The following CADPS2 variants were observed in gnomAD, a reference collection of about 807,000 sequenced individuals.
CADPS2 encodes the protein calcium-dependent secretion activator 2.
A neutral mutation model predicts 172.5 loss-of-function variants in CADPS2; 93 were observed. That is an observed-to-expected ratio of 0.54 (90% CI 0.46 to 0.64). CADPS2 has a LOEUF of 0.64. CADPS2 is among the 30% of genes least tolerant of loss of function. CADPS2 has a pLI of 0.00. For missense variants in CADPS2, 1,420 were observed against 1,565.9 expected (o/e 0.91, Z 1.57); for synonymous variants, 546 against 555.2 (o/e 0.98, Z 0.23).
At chr7:122,446,401 T>C (rs2052210229) in intron 15 of CADPS2, among the ~76,000 whole-genome samples, 1 of 152,176 alleles carries the variant, frequency 6.6e-6, no homozygotes, top group African/African-American at 2.4e-5. Flanking sequence ...CCTATTTGAA[T>C]CTTGATTTTA....
intron 29 of CADPS2, among the ~76,000 whole-genome samples, chr7:122,321,379 G>T (rs2032468882): frequency 1.3e-5 from 2 of 152,204 alleles, no homozygotes; most frequent in Non-Finnish European, 2.9e-5. Context: ...TGTAGCATAG[G>T]CTTGTCTTGA....
In CADPS2 at chr7:122,546,920, GA is replaced by G. The variant is rs888480480; in HGVS notation, c.1475+7629del. Reference sequence around the variant, plus strand: ...ATTATTTTTGAGCCTATCTAAATGTGAAAAAAAAGTGTACACCAAATAGAAT... The same window carrying G: ...ATTATTTTTGAGCCTATCTAAATGTGAAAAAAAGTGTACACCAAATAGAAT... On this transcript the variant is annotated intron_variant, in intron 8 of 29. Coordinates refer to ENST00000449022, the MANE Select transcript of CADPS2 (RefSeq NM_017954.11). Among the ~76,000 whole-genome samples, 8 of 151,556 alleles carry G rather than the reference GA, an allele frequency of 5.3e-5. No homozygotes were observed. The East Asian group carries it at 7.8e-4, about 15-fold the overall frequency.
intron 24 of CADPS2, chr7:122,382,241 G>A (rs2151384235): frequency 6.6e-6 from 1 of 152,168 alleles, no homozygotes; most frequent in Non-Finnish European, 1.5e-5. Context: ...AACATAAAAG[G>A]AAGTTGTAGA....
intron 19 of CADPS2, among the ~76,000 whole-genome samples, chr7:122,411,561 TAAAAC>T (rs979642616): frequency 6.6e-6 from 1 of 152,014 alleles, no homozygotes; most frequent in Non-Finnish European, 1.5e-5. Context: ...ATTTATAACT[TAAAAC>T]AAAAAAGGAG....
intron 2 of CADPS2, among the ~76,000 whole-genome samples, chr7:122,729,493 T>C (rs951696801): frequency 3.3e-5 from 5 of 151,884 alleles, no homozygotes; most frequent in African/African-American, 1.2e-4. Context: ...CAACAGTATA[T>C]AGGAAATCCC....
At chr7:122,838,413 T>C (rs1809269253) in intron 1 of CADPS2, among the ~76,000 whole-genome samples, 1 of 152,188 alleles carries the variant, frequency 6.6e-6, no homozygotes, top group South Asian at 2.1e-4. Context: ...AACATAGTGT[T>C]GGAAGTTCTG....
rs569874248 is a variant in CADPS2, at chr7:122,631,001, A to T, written c.787-1673T>A. ...ACAAGTTTCTCTTCACTGTGTCTAAAATCAAAATGATTAAAATTAAAAACT... is the reference window on the plus strand; with the variant it reads ...ACAAGTTTCTCTTCACTGTGTCTAATATCAAAATGATTAAAATTAAAAACT... On this transcript the variant is annotated intron_variant, in intron 3 of 29. Coordinates refer to ENST00000449022, the MANE Select transcript of CADPS2 (RefSeq NM_017954.11). Among the ~76,000 whole-genome samples the T allele has an allele frequency of 3.3e-5, 5 of 152,274 alleles. No individual in the cohort carries two copies. The East Asian group carries it at 7.7e-4, about 24-fold the overall frequency.
chr7:122,547,301 T>G (rs1013497605), intron 8 of CADPS2, among the ~76,000 whole-genome samples: 5 of 152,156 alleles, frequency 3.3e-5, no homozygotes, highest in Admixed American at 2.6e-4. Flanking sequence ...ATAATATATT[T>G]CTTTTTAATA....
chr7:122,654,167 G>A (rs1023601314), intron 3 of CADPS2, among the ~76,000 whole-genome samples: 1 of 152,302 alleles, frequency 6.6e-6, no homozygotes, highest in Admixed American at 6.5e-5. Flanking sequence ...GTTGGTTCAT[G>A]AGGAAAAAGG....
chr7:122,774,049 T>C (rs111710952), intron 1 of CADPS2, among the ~76,000 whole-genome samples: 76 of 152,096 alleles, frequency 5.0e-4, no homozygotes, highest in African/African-American at 1.8e-3. Context: ...ATCAGTGTAG[T>C]TCAGAGACAC....
At chr7:122,409,488 C>T in intron 19 of CADPS2, 1 of 290,468 alleles carries the variant, frequency 3.4e-6, no homozygotes. Context: ...TTCAAAACAG[C>T]TTCAGGTTGG....
At chr7:122,475,003 T>C (rs1194115528) in intron 12 of CADPS2, among the ~76,000 whole-genome samples, 1 of 152,108 alleles carries the variant, frequency 6.6e-6, no homozygotes, top group African/African-American at 2.4e-5. Flanking sequence ...ATCCTTAATG[T>C]AAAAATGGCA....
chr7:122,767,707 A>C (rs1415239817), intron 1 of CADPS2, among the ~76,000 whole-genome samples: 5 of 152,142 alleles, frequency 3.3e-5, no homozygotes, highest in Non-Finnish European at 7.4e-5. Flanking sequence ...TTAATATTCC[A>C]AATAATCTAA....
intron 17 of CADPS2, among the ~76,000 whole-genome samples, chr7:122,431,948 CAAAG>C (rs1220853760): frequency 1.3e-5 from 2 of 151,822 alleles, no homozygotes; most frequent in East Asian, 1.9e-4. Context: ...GGGAGGGAAA[CAAAG>C]AAGTAAATTA....
intron 1 of CADPS2, among the ~76,000 whole-genome samples, chr7:122,774,767 C>T (rs2093822459): frequency 1.3e-5 from 2 of 152,106 alleles, no homozygotes; most frequent in Admixed American, 1.3e-4. Context: ...TATTTCTACT[C>T]TTGAGAATTT....
chr7:122,567,388 T>C (rs777685647), intron 7 of CADPS2, among the ~76,000 whole-genome samples: 1 of 152,204 alleles, frequency 6.6e-6, no homozygotes, highest in Non-Finnish European at 1.5e-5. Context: ...AGGTTGTTTG[T>C]TTTATTTGTC....
intron 1 of CADPS2, among the ~76,000 whole-genome samples, chr7:122,872,987 G>A (rs1289245916): frequency 3.9e-5 from 6 of 152,030 alleles, no homozygotes; most frequent in Non-Finnish European, 2.9e-5. Flanking sequence ...GAAGGCGAAG[G>A]AAGAGTTATA....
intron 8 of CADPS2, among the ~76,000 whole-genome samples, chr7:122,553,300 CCTG>C (rs1157747668): frequency 6.6e-6 from 1 of 152,088 alleles, no homozygotes; most frequent in Non-Finnish European, 1.5e-5. Context: ...TCAATACATG[CCTG>C]CTGCATAAAT....
chr7:122,535,363 A>C (rs984218197), intron 8 of CADPS2, among the ~76,000 whole-genome samples: 2 of 152,048 alleles, frequency 1.3e-5, no homozygotes, highest in Non-Finnish European at 2.9e-5. Context: ...TGTTGTAAGA[A>C]CTAAATAAGA....
Sources: gnomAD v4.1 joint callset for allele counts (sites outside exome capture counted in the v4.1 genomes callset) on GRCh38, gnomAD v4.1.1 for gene constraint, MANE v1.5 for transcripts, NCBI Gene and HGNC (gene_info 2026-07-23, HGNC 2026-07-21) for gene names.